GALNT14: variants seen among roughly 807,000 people sequenced by gnomAD.
GALNT14 encodes the protein polypeptide N-acetylgalactosaminyltransferase 14.
Under a neutral mutation model 77.5 loss-of-function variants are expected in GALNT14, and 60 were observed. That is an observed-to-expected ratio of 0.77 (90% CI 0.63 to 0.96). The LOEUF (loss-of-function observed/expected upper bound fraction) is 0.96. Among genes scored for constraint, GALNT14 ranks in the 40% least tolerant of loss-of-function variants. The pLI is 0.00. For missense variants in GALNT14, 710 were observed against 731.0 expected (o/e 0.97, Z 0.33); for synonymous variants, 280 against 281.7 (o/e 0.99, Z 0.06).
intron 1 of GALNT14, among the ~76,000 whole-genome samples, chr2:31,117,525 A>G (rs1012607708): frequency 1.3e-5 from 2 of 152,242 alleles, no homozygotes; most frequent in Non-Finnish European, 2.9e-5. Context: ...CTTTGAAAAC[A>G]TCTATAAGAT....
chr2:30,913,955 C>T (rs1449673018), intron 13 of GALNT14, among the ~76,000 whole-genome samples: 4 of 152,158 alleles, frequency 2.6e-5, no homozygotes, highest in African/African-American at 9.7e-5. Context: ...AAGTTCTTCT[C>T]TGGCCTTGTG....
chr2:30,918,120 C>A (rs1394357356), intron 13 of GALNT14, among the ~76,000 whole-genome samples: 1 of 152,226 alleles, frequency 6.6e-6, no homozygotes, highest in Non-Finnish European at 1.5e-5. Flanking sequence ...ACACCTCCTT[C>A]CATTGGAAAC....
Position 30,951,310 on chromosome 2 carries a change from T to C in GALNT14, c.654+4308A>G, listed in dbSNP as rs898127776. Among the ~76,000 whole-genome samples, 4 of 152,034 alleles carry C rather than the reference T, an allele frequency of 2.6e-5. No individual in the cohort carries two copies. The East Asian group carries it at 5.8e-4, about 22-fold the overall frequency. ...ACAACATGGATAAAGCCCAAAGATA[T>C]GCTAAGTGAAAGGAACCAGTATCAA... On this transcript the variant is annotated intron_variant, in intron 6 of 14. Coordinates refer to ENST00000349752, the MANE Select transcript of GALNT14 (RefSeq NM_024572.4).
chr2:30,900,209 C>A, the GALNT14 span, among the ~76,000 whole-genome samples: 2 of 152,188 alleles, frequency 1.3e-5, no homozygotes. Context: ...TTCCCCTCAA[C>A]CCTTCCATCA....
At chr2:31,016,088 T>C (rs984838155) in intron 1 of GALNT14, among the ~76,000 whole-genome samples, 1 of 152,256 alleles carries the variant, frequency 6.6e-6, no homozygotes, top group South Asian at 2.1e-4. Context: ...CAAAACACCA[T>C]AGACCACGGG....
At chr2:31,098,878 T>G (rs1255426789) in intron 1 of GALNT14, among the ~76,000 whole-genome samples, 1 of 152,068 alleles carries the variant, frequency 6.6e-6, no homozygotes, top group Non-Finnish European at 1.5e-5. Context: ...ATAAAATATA[T>G]TTACTATTCA....
intron 7 of GALNT14, among the ~76,000 whole-genome samples, chr2:30,945,383 G>A (rs1666626266): frequency 6.6e-6 from 1 of 152,156 alleles, no homozygotes; most frequent in African/African-American, 2.4e-5. Flanking sequence ...GGAGAGCTGG[G>A]GTGGGTCTCC....
intron 1 of GALNT14, among the ~76,000 whole-genome samples, chr2:31,021,746 T>A (rs772399349): frequency 6.6e-6 from 1 of 152,180 alleles, no homozygotes; most frequent in Non-Finnish European, 1.5e-5. Context: ...ACAAAGCCCA[T>A]AGTATTTACA....
At chr2:30,933,200 T>G (rs994399064) in intron 9 of GALNT14, among the ~76,000 whole-genome samples, 18 of 152,172 alleles carry the variant, frequency 1.2e-4, no homozygotes, top group Admixed American at 1.0e-3. Flanking sequence ...TTAAATTTTC[T>G]ACAGATAATG....
chr2:31,010,901 G>A (rs1670987304), intron 1 of GALNT14, among the ~76,000 whole-genome samples: 1 of 152,226 alleles, frequency 6.6e-6, no homozygotes, highest in Non-Finnish European at 1.5e-5. Context: ...GTGGCAAGAT[G>A]GGAAACCAGA....
intron 1 of GALNT14, among the ~76,000 whole-genome samples, chr2:31,058,160 C>A (rs1298109554): frequency 6.6e-6 from 1 of 152,242 alleles, no homozygotes; most frequent in Non-Finnish European, 1.5e-5. Context: ...CTCAGTCACA[C>A]CCACTGCCTG....
In GALNT14 at chr2:31,056,287, T is replaced by C. The variant is rs1397016893; in HGVS notation, c.130-63280A>G. Reference sequence around the variant, plus strand: ...GTGATCATCTTCTGGTTTACCATTGTCCGTTTGGTAGGTTCGGGCTCATCT... The same window carrying C: ...GTGATCATCTTCTGGTTTACCATTGCCCGTTTGGTAGGTTCGGGCTCATCT... On this transcript the variant is annotated intron_variant, in intron 1 of 14. Coordinates refer to ENST00000349752, the MANE Select transcript of GALNT14 (RefSeq NM_024572.4). Among the ~76,000 whole-genome samples, 3 of 152,242 alleles carry C rather than the reference T, an allele frequency of 2.0e-5. No individual in the cohort carries two copies. The South Asian group carries it at 6.2e-4, about 32-fold the overall frequency.
the GALNT14 span, among the ~76,000 whole-genome samples, chr2:30,895,973 A>C: frequency 6.6e-6 from 1 of 152,184 alleles, no homozygotes; most frequent in Non-Finnish European, 1.5e-5. Context: ...GGCCACTGAG[A>C]AGAGGCCCCC....
In GALNT14 at chr2:31,131,355, G is replaced by A. The variant is rs114843834; in HGVS notation, c.129+6603C>T. On this transcript the variant is annotated intron_variant, in intron 1 of 14. Transcript: ENST00000349752. ...GCCTGCAGCCAGTGGTAGAGGGCACGGGCATGTCCAGACTCACTTCCCCAA... is the reference window on the plus strand; with the variant it reads ...GCCTGCAGCCAGTGGTAGAGGGCACAGGCATGTCCAGACTCACTTCCCCAA... 6.9e-3 allele frequency among the ~76,000 whole-genome samples: 1,046 copies of A among 152,206 alleles called. 20 individuals carry two copies. Among genetic ancestry groups the A allele is most frequent in the African/African-American group, 0.024 (988 of 41,512 alleles).
chr2:30,889,191 C>A, the GALNT14 span, among the ~76,000 whole-genome samples: 1 of 151,980 alleles, frequency 6.6e-6, no homozygotes, highest in Non-Finnish European at 1.5e-5. Context: ...AAATAAAGGG[C>A]GAGAAAAATA....
chr2:30,958,975 T>C (rs941403611), intron 3 of GALNT14, among the ~76,000 whole-genome samples: 1 of 152,190 alleles, frequency 6.6e-6, no homozygotes, highest in Non-Finnish European at 1.5e-5. Flanking sequence ...CTCCTCACTA[T>C]TGACATCCCA....
At chr2:30,912,078 A>C in intron 14 of GALNT14, 145 bp downstream of exon 14, 1 of 975,704 alleles carries the variant, frequency 1.0e-6, no homozygotes, top group Non-Finnish European at 1.5e-6. Context: ...GATCCCAGGC[A>C]GCACTTTCCC....
At chr2:30,897,290 C>G in the GALNT14 span, among the ~76,000 whole-genome samples, 1 of 152,162 alleles carries the variant, frequency 6.6e-6, no homozygotes. Context: ...GGATCCAAAG[C>G]TCCAGTGGGT....
chr2:31,077,348 C>T (rs1675867324), intron 1 of GALNT14, among the ~76,000 whole-genome samples: 1 of 152,174 alleles, frequency 6.6e-6, no homozygotes, highest in African/African-American at 2.4e-5. Flanking sequence ...ATCTAATATA[C>T]ACACCCATCT....
Sources: allele counts gnomAD v4.1 joint callset (sites outside exome capture counted in the v4.1 genomes callset), GRCh38; gene constraint gnomAD v4.1.1; transcripts MANE v1.5; gene names NCBI Gene and HGNC (gene_info 2026-07-23, HGNC 2026-07-21).